Variants in LARGE1 observed in about 807,000 individuals in gnomAD.
LARGE1 encodes xylosyl- and glucuronyltransferase LARGE1.
LARGE1 carries 43 observed loss-of-function variants against 87.6 expected under a neutral mutation model. That is an observed-to-expected ratio of 0.49 (90% CI 0.38 to 0.63). The LOEUF is 0.63. Among genes scored for constraint, LARGE1 ranks in the 30% least tolerant of loss-of-function variants. The pLI is 0.00. For synonymous variants in LARGE1, 434 were observed against 394.6 expected (o/e 1.10, Z -1.18); for missense variants, 802 against 1,000.2 (o/e 0.80, Z 2.67).
chr22:33,219,709 G>A (rs1035018079), intron 11 of LARGE1, among the ~76,000 whole-genome samples: 2 of 152,170 alleles, frequency 1.3e-5, no homozygotes, highest in East Asian at 1.9e-4. Flanking sequence ...AGTCAGAAAG[G>A]TGTTCAACCA....
chr22:33,070,091 G>A, the LARGE1 span, among the ~76,000 whole-genome samples: 2 of 152,120 alleles, frequency 1.3e-5, no homozygotes, highest in African/African-American at 4.8e-5. Context: ...GAAAGTGCTG[G>A]GATTACAAGC....
At chr22:33,332,315 G>A (rs1408726784) in intron 10 of LARGE1, among the ~76,000 whole-genome samples, 1 of 152,092 alleles carries the variant, frequency 6.6e-6, no homozygotes, top group Non-Finnish European at 1.5e-5. Flanking sequence ...CCTTTCACTT[G>A]GTTCTCATTC....
intron 7 of LARGE1, among the ~76,000 whole-genome samples, chr22:33,416,675 C>T (rs955631932): frequency 3.3e-5 from 5 of 152,092 alleles, no homozygotes; most frequent in African/African-American, 1.2e-4. Flanking sequence ...GCGATCTCGG[C>T]TCACTGCAAC....
intron 1 of LARGE1, among the ~76,000 whole-genome samples, chr22:33,791,755 A>G (rs1379188193): frequency 1.3e-5 from 2 of 152,196 alleles, no homozygotes; most frequent in African/African-American, 2.4e-5. Flanking sequence ...TTCTATGACC[A>G]CCAGCACTAG....
intron 6 of LARGE1, among the ~76,000 whole-genome samples, chr22:33,515,881 CT>C: frequency 6.6e-6 from 1 of 152,276 alleles, no homozygotes; most frequent in South Asian, 2.1e-4. Flanking sequence ...TTTGGCTTGC[CT>C]TCCCCAGTTA....
intron 2 of LARGE1, among the ~76,000 whole-genome samples, chr22:33,758,237 T>C (rs1293786076): frequency 6.6e-6 from 1 of 152,188 alleles, no homozygotes; most frequent in East Asian, 1.9e-4. Context: ...CCTGAGCCTC[T>C]GCTTCTCCAA....
intron 12 of LARGE1, among the ~76,000 whole-genome samples, chr22:33,298,509 A>G (rs1406785765): frequency 2.0e-5 from 3 of 152,206 alleles, no homozygotes; most frequent in African/African-American, 2.4e-5. Flanking sequence ...TCCCAAGGTC[A>G]AATAAATTCT....
At chr22:33,282,654 C>A (rs907285020) in intron 13 of LARGE1, among the ~76,000 whole-genome samples, 1 of 152,166 alleles carries the variant, frequency 6.6e-6, no homozygotes, top group Non-Finnish European at 1.5e-5. Flanking sequence ...GTCACTTGGG[C>A]AACAGGAAAG....
chr22:33,731,538 G>T (rs1051277797), intron 2 of LARGE1, among the ~76,000 whole-genome samples: 2 of 152,140 alleles, frequency 1.3e-5, no homozygotes, highest in African/African-American at 4.8e-5. Context: ...AGAGTAGAAT[G>T]GTGCTTCCTG....
intron 1 of LARGE1, among the ~76,000 whole-genome samples, chr22:33,804,949 C>A (rs1033236564): frequency 1.3e-5 from 2 of 152,170 alleles, no homozygotes; most frequent in Non-Finnish European, 2.9e-5. Context: ...CACTGTCTGG[C>A]CCAATATATT....
intron 1 of LARGE1, among the ~76,000 whole-genome samples, chr22:33,774,204 C>T (rs2085159764): frequency 6.6e-6 from 1 of 151,962 alleles, no homozygotes. Flanking sequence ...AATTATGTCT[C>T]AAAATTTAGC....
At chr22:33,162,850 G>A (rs1922079247) in exon 12 of LARGE1, 1 of 152,168 alleles carries the variant, frequency 6.6e-6, no homozygotes, top group Non-Finnish European at 1.5e-5. Flanking sequence ...TTCATAATAA[G>A]GAGATTGTCA....
rs147018065 is a variant in LARGE1 at position 33,174,025 on chromosome 22, C to A, written c.1731-7193G>T. Among the ~76,000 whole-genome samples, 1,219 of 152,308 alleles carry A rather than the reference C, an allele frequency of 8.0e-3. 7 individuals are homozygous for A. The highest frequency in any genetic ancestry group is 0.02 in the Middle Eastern group (6 of 294). On this transcript the variant is annotated intron_variant, in intron 11 of 11. Coordinates refer to the LARGE1 transcript ENST00000608642. ...ATCTAGACAACTCTCCACCCCAAAT[C>A]AACAGAATATAGATTCTTCTCAGCA...
At chr22:33,417,457 T>C (rs1163011767) in intron 7 of LARGE1, among the ~76,000 whole-genome samples, 1 of 152,174 alleles carries the variant, frequency 6.6e-6, no homozygotes, top group Non-Finnish European at 1.5e-5. Flanking sequence ...ACACACCAGA[T>C]AGGGACATAG....
chr22:33,210,323 C>T (rs944724839), intron 11 of LARGE1, among the ~76,000 whole-genome samples: 1 of 152,202 alleles, frequency 6.6e-6, no homozygotes, highest in African/African-American at 2.4e-5. Flanking sequence ...ACAAGGGTGA[C>T]ATCTAGTGGT....
intron 7 of LARGE1, among the ~76,000 whole-genome samples, chr22:33,384,547 G>C (rs1445099304): frequency 7.6e-6 from 1 of 132,356 alleles, no homozygotes; most frequent in African/African-American, 2.6e-5. Context: ...CCAGTTACTC[G>C]ATAGGAGACA....
At position 33,883,511 on chromosome 22, in the gene LARGE1, G is replaced by A. The variant is rs115676293; in HGVS notation, c.-83+36484C>T. ...CAATGCACAACCAAGAAGTAGCCTC[G>A]TGATCCTGATAAACATGAATCAGCT... On this transcript the variant is annotated intron_variant, in intron 1 of 14. Transcript: ENST00000397394. Among the ~76,000 whole-genome samples the A allele has an allele frequency of 7.8e-3, 1,190 of 152,262 alleles. 14 individuals are homozygous for A. The highest frequency in any genetic ancestry group is 0.025 in the African/African-American group (1,051 of 41,546).
At chr22:33,790,114 T>C (rs1292768862) in intron 1 of LARGE1, among the ~76,000 whole-genome samples, 1 of 152,182 alleles carries the variant, frequency 6.6e-6, no homozygotes, top group Non-Finnish European at 1.5e-5. Context: ...AACTGAATCA[T>C]GGGGGTTTCC....
chr22:33,864,054 C>G (rs1478193910), intron 1 of LARGE1, among the ~76,000 whole-genome samples: 18 of 152,212 alleles, frequency 1.2e-4, no homozygotes, highest in Admixed American at 1.2e-3. Flanking sequence ...AGGGGTGCAG[C>G]TCCCCTTTCT....
Sources: gnomAD v4.1 joint callset for allele counts (sites outside exome capture counted in the v4.1 genomes callset) on GRCh38, gnomAD v4.1.1 for gene constraint, MANE v1.5 for transcripts, NCBI Gene and HGNC (gene_info 2026-07-23, HGNC 2026-07-21) for gene names.